MACROD2: variants seen among roughly 807,000 people sequenced by gnomAD.
The protein encoded by MACROD2 is ADP-ribose glycohydrolase MACROD2.
Under a neutral mutation model 70.4 loss-of-function variants are expected in MACROD2, and 36 were observed. The ratio of observed to expected loss-of-function variants is 0.51; its 90% CI spans 0.39 to 0.68. The LOEUF is 0.68. Among genes scored for constraint, MACROD2 ranks in the 30% least tolerant of loss-of-function variants. MACROD2 has a pLI of 0.00. For synonymous variants in MACROD2, 172 were observed against 178.8 expected (o/e 0.96, Z 0.30); for missense variants, 496 against 538.4 (o/e 0.92, Z 0.78).
intron 15 of MACROD2, among the ~76,000 whole-genome samples, chr20:16,013,769 A>G (rs542896072): frequency 9.8e-5 from 15 of 152,332 alleles, no homozygotes; most frequent in Admixed American, 5.2e-4. Flanking sequence ...TGACATTGCA[A>G]TTTACCACCT....
At chr20:15,974,460 T>A (rs576729657) in intron 13 of MACROD2, among the ~76,000 whole-genome samples, 1 of 152,174 alleles carries the variant, frequency 6.6e-6, no homozygotes, top group Non-Finnish European at 1.5e-5. Flanking sequence ...TATGACATTC[T>A]GGAAAGGCAA....
intron 4 of MACROD2, among the ~76,000 whole-genome samples, chr20:14,518,169 A>G (rs1213276731): frequency 6.6e-6 from 1 of 152,074 alleles, no homozygotes; most frequent in Non-Finnish European, 1.5e-5. Flanking sequence ...CATGTTTTAT[A>G]ATTTATATTG....
At chr20:15,795,957 A>C (rs1002701830) in intron 8 of MACROD2, among the ~76,000 whole-genome samples, 4 of 152,166 alleles carry the variant, frequency 2.6e-5, no homozygotes, top group Non-Finnish European at 5.9e-5. Flanking sequence ...TGGTCATAAG[A>C]GGCTGGGAGA....
At chr20:15,625,261 C>A (rs531089790) in intron 8 of MACROD2, among the ~76,000 whole-genome samples, 1 of 151,854 alleles carries the variant, frequency 6.6e-6, no homozygotes, top group African/African-American at 2.4e-5. Context: ...GACTATAAAA[C>A]GAGGAAGCCC....
At chr20:15,769,995 C>G (rs112792803) in intron 8 of MACROD2, among the ~76,000 whole-genome samples, 1 of 151,830 alleles carries the variant, frequency 6.6e-6, no homozygotes, top group African/African-American at 2.4e-5. Context: ...TGCGCCCCCC[C>G]ACACATAATG....
chr20:14,113,405 T>C (rs1463119432), intron 3 of MACROD2, among the ~76,000 whole-genome samples: 1 of 152,098 alleles, frequency 6.6e-6, no homozygotes, highest in African/African-American at 2.4e-5. Context: ...TATATTTTTC[T>C]ACACTGGGAT....
chr20:14,807,318 C>G (rs1473982478), intron 5 of MACROD2, among the ~76,000 whole-genome samples: 1 of 152,014 alleles, frequency 6.6e-6, no homozygotes, highest in Non-Finnish European at 1.5e-5. Context: ...GAGTCTAACC[C>G]AAAAAACTCC....
chr20:14,383,812 T>C (rs2083446082), intron 3 of MACROD2, among the ~76,000 whole-genome samples: 1 of 152,196 alleles, frequency 6.6e-6, no homozygotes, highest in Admixed American at 6.5e-5. Context: ...ATGAGGTTAT[T>C]GTTAGAAATA....
chr20:14,419,362 T>C (rs1402975342), intron 3 of MACROD2, among the ~76,000 whole-genome samples: 1 of 152,222 alleles, frequency 6.6e-6, no homozygotes, highest in Non-Finnish European at 1.5e-5. Context: ...CTAGGATCTT[T>C]ATATATTTTT....
intron 3 of MACROD2, among the ~76,000 whole-genome samples, chr20:14,110,541 T>C (rs1428056680): frequency 6.6e-6 from 1 of 151,932 alleles, no homozygotes; most frequent in Non-Finnish European, 1.5e-5. Context: ...AGTTGCAGGA[T>C]ACAAAATCAG....
At chr20:14,221,231 G>A (rs1291133452) in intron 3 of MACROD2, among the ~76,000 whole-genome samples, 1 of 152,270 alleles carries the variant, frequency 6.6e-6, no homozygotes, top group Non-Finnish European at 1.5e-5. Flanking sequence ...GGGTATGAAT[G>A]GGCTTTGGAA....
intron 8 of MACROD2, among the ~76,000 whole-genome samples, chr20:15,693,276 G>A (rs996174948): frequency 6.6e-6 from 1 of 152,062 alleles, no homozygotes; most frequent in South Asian, 2.1e-4. Flanking sequence ...CAAACACTAC[G>A]CATGAACTCA....
intron 10 of MACROD2, among the ~76,000 whole-genome samples, chr20:15,909,951 T>C (rs927869798): frequency 1.3e-5 from 2 of 152,134 alleles, no homozygotes; most frequent in African/African-American, 4.8e-5. Context: ...CTTTGTATAA[T>C]AATGGGGCTC....
chr20:14,422,611 A>G (rs1435547570), intron 3 of MACROD2, among the ~76,000 whole-genome samples: 2 of 152,094 alleles, frequency 1.3e-5, no homozygotes, highest in Admixed American at 6.5e-5. Context: ...GGGCTATATA[A>G]CATTCTAAAT....
At chr20:15,069,657 C>G (rs1005338178) in intron 5 of MACROD2, among the ~76,000 whole-genome samples, 1 of 152,232 alleles carries the variant, frequency 6.6e-6, no homozygotes, top group African/African-American at 2.4e-5. Context: ...TGGGCTGCCA[C>G]TGTGGAGAGC....
chr20:15,781,456 T>C (rs531035813), intron 8 of MACROD2, among the ~76,000 whole-genome samples: 5 of 112,308 alleles, frequency 4.5e-5, no homozygotes, highest in Admixed American at 4.4e-4. Context: ...TTATTTCTTA[T>C]AGTTCTGAGG....
intron 4 of MACROD2, among the ~76,000 whole-genome samples, chr20:14,520,952 T>C (rs367778722): frequency 7.8e-5 from 9 of 114,692 alleles, no homozygotes; most frequent in African/African-American, 3.3e-4. Context: ...CACGCGTGCG[T>C]GCGCGCACAC....
At chr20:14,295,125 A>G (rs2082416390) in intron 3 of MACROD2, among the ~76,000 whole-genome samples, 1 of 151,812 alleles carries the variant, frequency 6.6e-6, no homozygotes, top group South Asian at 2.1e-4. Flanking sequence ...AGAACCTCTA[A>G]AAGATAAGAA....
intron 5 of MACROD2, among the ~76,000 whole-genome samples, chr20:15,100,115 T>A (rs186358556): frequency 0.01 from 1,535 of 152,212 alleles, 13 homozygotes; most frequent in Non-Finnish European, 0.015. Flanking sequence ...TTTCTTTTTT[T>A]AAATAGAGAC....
Sources: allele counts gnomAD v4.1 joint callset (sites outside exome capture counted in the v4.1 genomes callset), GRCh38; gene constraint gnomAD v4.1.1; transcripts MANE v1.5; gene names NCBI Gene and HGNC (gene_info 2026-07-23, HGNC 2026-07-21).